ERICH1: variants seen among roughly 807,000 people sequenced by gnomAD.
The protein encoded by ERICH1 is glutamate-rich protein 1.
In ERICH1, 56 loss-of-function variants were observed where a neutral mutation model predicts 39.6. The observed-to-expected ratio is 1.41, with a 90% CI of 1.14 to 1.77. ERICH1 has a LOEUF of 1.77. Ranked by LOEUF, ERICH1 falls within the 40% of genes most tolerant of loss-of-function variation. The probability of loss-of-function intolerance (pLI) is 0.00; values close to 1 mark genes in which losing one functional copy is unlikely to be tolerated. For missense variants in ERICH1, 826 were observed against 575.4 expected (o/e 1.44, Z -4.45); for synonymous variants, 313 against 223.6 (o/e 1.40, Z -3.57).
At chr8:689,763 T>C (rs1585333544) in intron 3 of ERICH1, among the ~76,000 whole-genome samples, 1 of 152,220 alleles carries the variant, frequency 6.6e-6, no homozygotes, top group East Asian at 1.9e-4. Context: ...AGTCCTGTAA[T>C]GCGGTCTACA....
rs749130984 is a variant in ERICH1 at position 673,349 on chromosome 8, C to A, written c.1003G>T (p.Glu335Ter). Reference protein sequence around the residue: ...ASEEDDTITNEKAHSILNFLK... With the variant: ...ASEEDDTITN Reference sequence around the variant, plus strand: ...AAATTTAGAATACTGTGTGCCTTTTCATTGGTAATTGTATCATCTTCCTCG... The same window carrying A: ...AAATTTAGAATACTGTGTGCCTTTTAATTGGTAATTGTATCATCTTCCTCG... The change falls in exon 4 of 6, where the codon GAA becomes TAA. Residue 335 changes from glutamate to a stop codon, truncating the protein, a stop_gained. Transcript: ENST00000262109. LOFTEE classifies it high-confidence loss of function. 2.5e-6 allele frequency: 4 copies of A among 1,614,068 alleles called. No homozygotes were observed. The highest frequency in any genetic ancestry group is 1.3e-5 in the African/African-American group (1 of 75,066).
At chr8:653,496 C>T (rs573906341) in intron 3 of ERICH1, among the ~76,000 whole-genome samples, 38 of 152,234 alleles carry the variant, frequency 2.5e-4, no homozygotes, top group African/African-American at 7.2e-4. Context: ...ACCTCACTGC[C>T]GAGTTTTATA....
chr8:662,144 C>T (rs948288952), downstream of ERICH1, among the ~76,000 whole-genome samples: 1 of 151,980 alleles, frequency 6.6e-6, no homozygotes. Flanking sequence ...ATGTGAACCA[C>T]CATCCCCTGC....
intron 3 of ERICH1, among the ~76,000 whole-genome samples, chr8:635,737 C>A (rs34162131): frequency 0.2 from 30,871 of 152,140 alleles, 3,362 homozygotes; most frequent in Middle Eastern, 0.33. Flanking sequence ...CACTTGTCAC[C>A]ATCGAGTGGG....
rs150229111 is a variant in ERICH1 at position 703,931 on chromosome 8, C to G, written c.170-11319G>C. On this transcript the variant is annotated intron_variant, in intron 2 of 5. Transcript: ENST00000262109. ...CTACGGAGGCCACGACAGATGAAAACAGACCATGCTCAAGACCTCAGCATC... is the reference window on the plus strand; with the variant it reads ...CTACGGAGGCCACGACAGATGAAAAGAGACCATGCTCAAGACCTCAGCATC... Among the ~76,000 whole-genome samples the G allele has an allele frequency of 4.7e-3, 711 of 152,306 alleles. 3 individuals carry two copies. Among genetic ancestry groups the G allele is most frequent in the Non-Finnish European group, 8.0e-3 (544 of 68,022 alleles).
intron 3 of ERICH1, among the ~76,000 whole-genome samples, chr8:658,957 T>C (rs1801034050): frequency 6.6e-6 from 1 of 152,116 alleles, no homozygotes; most frequent in Non-Finnish European, 1.5e-5. Flanking sequence ...GAGCTGGGAC[T>C]CCATCATCTC....
At chr8:673,164 A>C (rs1428246026) in intron 4 of ERICH1, 125 bp downstream of exon 4, 1 of 1,183,556 alleles carries the variant, frequency 8.4e-7, no homozygotes, top group African/African-American at 1.5e-5. Context: ...TAGTTGCCTT[A>C]CAACTAATTA....
chr8:683,924 T>C (rs1314536793), intron 3 of ERICH1, among the ~76,000 whole-genome samples: 1 of 152,230 alleles, frequency 6.6e-6, no homozygotes, highest in African/African-American at 2.4e-5. Context: ...CAGACTTTGA[T>C]ACCGAATTAA....
At chr8:707,166 G>C (rs1813462153) in intron 2 of ERICH1, among the ~76,000 whole-genome samples, 1 of 149,450 alleles carries the variant, frequency 6.7e-6, no homozygotes, top group South Asian at 2.1e-4. Flanking sequence ...TGAGAGTCCA[G>C]AAATAAACCC....
Position 673,949 on chromosome 8 carries a change from C to T in ERICH1, c.403G>A (p.Glu135Lys), listed in dbSNP as rs932161181. 9.9e-6 allele frequency: 16 copies of T among 1,610,308 alleles called. No homozygotes were observed. Among genetic ancestry groups the T allele is most frequent in the Non-Finnish European group, 1.3e-5 (15 of 1,179,504 alleles). ...NPNNVLIEQA[E>K]LEKQQSLLQE... is the part of the protein sequence containing the mutation. Reference sequence around the variant, plus strand: ...AACAGACTCTGCTGTTTCTCTAATTCTGCTTGTTCTATAAGAACATTATTG... The same window carrying T: ...AACAGACTCTGCTGTTTCTCTAATTTTGCTTGTTCTATAAGAACATTATTG... The change falls in exon 4 of 6, where the codon GAA becomes AAA. Residue 135 changes from glutamate (E) to lysine (K), a missense_variant. Physicochemically the swap from Glu to Lys is moderately conservative, Grantham distance 56. Coordinates refer to ENST00000262109, the MANE Select transcript of ERICH1 (RefSeq NM_207332.3).
intron 2 of ERICH1, among the ~76,000 whole-genome samples, chr8:713,977 A>G (rs113620097): frequency 0.069 from 5,791 of 83,682 alleles, 323 homozygotes; most frequent in African/African-American, 0.18. Context: ...GGCATCTCTC[A>G]GTGGGATGTG....
chr8:702,874 C>A (rs2167544), intron 2 of ERICH1, among the ~76,000 whole-genome samples: 102,287 of 152,106 alleles, frequency 0.67, 36,687 homozygotes, highest in Non-Finnish European at 0.8. Context: ...AGCCTGTCTC[C>A]GTCCTTGCTG....
At chr8:715,552 C>T (rs1374239498) in intron 2 of ERICH1, among the ~76,000 whole-genome samples, 8 of 152,356 alleles carry the variant, frequency 5.3e-5, no homozygotes, top group Middle Eastern at 6.8e-3. Context: ...GTGGGGAAGG[C>T]GCCTGTCTTC....
At chr8:620,771 C>T (rs1797232438) in intron 3 of ERICH1, among the ~76,000 whole-genome samples, 1 of 152,034 alleles carries the variant, frequency 6.6e-6, no homozygotes, top group African/African-American at 2.4e-5. Context: ...CAGTGGCACC[C>T]CAAAATATAT....
intron 3 of ERICH1, chr8:637,480 GCAGAGCCGGCTCGCCTACAAT>G (rs1199305995): frequency 6.6e-6 from 1 of 152,336 alleles, no homozygotes; most frequent in Non-Finnish European, 1.5e-5. Flanking sequence ...CTGTATCCCT[GCAGAGCCGGCTCGCCTACAAT>G]CAGAGCCCCA....
intron 2 of ERICH1, among the ~76,000 whole-genome samples, chr8:702,623 G>A (rs770342617): frequency 2.0e-5 from 3 of 152,214 alleles, no homozygotes; most frequent in Non-Finnish European, 2.9e-5. Flanking sequence ...CCGACAGTGC[G>A]CCACGTGCTG....
chr8:618,492 C>G (rs11782042), intron 3 of ERICH1, among the ~76,000 whole-genome samples: 116,835 of 152,186 alleles, frequency 0.77, 45,527 homozygotes, highest in East Asian at 0.99. Flanking sequence ...TCCTCACTGC[C>G]CGGAGCAGTG....
At chr8:704,640 T>C (rs1812853429) in intron 2 of ERICH1, among the ~76,000 whole-genome samples, 1 of 151,958 alleles carries the variant, frequency 6.6e-6, no homozygotes, top group Non-Finnish European at 1.5e-5. Flanking sequence ...AAAATCATAT[T>C]GGAAGGACGG....
intron 3 of ERICH1, among the ~76,000 whole-genome samples, chr8:619,752 T>C (rs1416536328): frequency 6.6e-6 from 1 of 152,162 alleles, no homozygotes; most frequent in Non-Finnish European, 1.5e-5. Context: ...AAAAGAAGTC[T>C]ATGGAATGAA....
Sources: gnomAD v4.1 joint callset for allele counts (sites outside exome capture counted in the v4.1 genomes callset) on GRCh38, gnomAD v4.1.1 for gene constraint, MANE v1.5 for transcripts, NCBI Gene and HGNC (gene_info 2026-07-23, HGNC 2026-07-21) for gene names.